PNPLA1: variants seen among roughly 807,000 people sequenced by gnomAD.
The protein encoded by PNPLA1 is patatin like domain 1, omega-hydroxyceramide transacylase, also known as omega-hydroxyceramide transacylase.
In PNPLA1, 36 loss-of-function variants were observed where a neutral mutation model predicts 51.7. The ratio of observed to expected loss-of-function variants is 0.70; its 90% CI spans 0.53 to 0.92. The LOEUF is 0.92. Among genes scored for constraint, PNPLA1 ranks in the 40% least tolerant of loss-of-function variants. The pLI is 0.00. For missense variants in PNPLA1, 658 were observed against 682.5 expected (o/e 0.96, Z 0.40); for synonymous variants, 293 against 280.1 (o/e 1.05, Z -0.46).
At chr6:36,269,445 C>G (rs923464044), upstream of PNPLA1, among the ~76,000 whole-genome samples, 1 of 152,142 alleles carries the variant, frequency 6.6e-6, no homozygotes, top group African/African-American at 2.4e-5. Context: ...GCCCTGACCC[C>G]GACGTCCCCA....
At chr6:36,268,057 C>T (rs900026698), upstream of PNPLA1, among the ~76,000 whole-genome samples, 3 of 152,126 alleles carry the variant, frequency 2.0e-5, no homozygotes, top group Non-Finnish European at 4.4e-5. Context: ...CACCATCATC[C>T]TAGGAGAATG....
chr6:36,261,065 G>A (rs1199069554), intron 1 of PNPLA1, among the ~76,000 whole-genome samples: 1 of 152,210 alleles, frequency 6.6e-6, no homozygotes, highest in African/African-American at 2.4e-5. Flanking sequence ...CTGGGCTCAA[G>A]CAATCCTCCC....
At chr6:36,269,426 C>G (rs965373690), upstream of PNPLA1, among the ~76,000 whole-genome samples, 3 of 152,320 alleles carry the variant, frequency 2.0e-5, no homozygotes, top group South Asian at 6.2e-4. Flanking sequence ...CTTACCAAAA[C>G]GTCTCTCTGC....
intron 1 of PNPLA1, among the ~76,000 whole-genome samples, chr6:36,248,103 G>A (rs146230806): frequency 5.5e-4 from 83 of 152,230 alleles, no homozygotes; most frequent in Middle Eastern, 3.4e-3. Flanking sequence ...TCACTTGCCC[G>A]ATTGTCCACA....
In PNPLA1 at chr6:36,295,220, G is replaced by C. The variant is rs888437046; in HGVS notation, c.715-144G>C. 5.2e-6 allele frequency: 4 copies of C among 765,262 alleles called. No individual in the cohort carries two copies. The African/African-American group carries it at 6.9e-5, about 13-fold the overall frequency. 47.4% of individuals were successfully genotyped at this position (765,262 alleles called of 1,614,324 possible). On this transcript the variant is annotated intron_variant, in intron 4 of 8. Coordinates refer to ENST00000636260, the MANE Select transcript of PNPLA1 (RefSeq NM_001374623.1). ...CTCGGTTCTTCTTAGCAGACAGTGA[G>C]GGATGGGACACTGGATGGGTACGTT...
intron 8 of PNPLA1, among the ~76,000 whole-genome samples, chr6:36,311,009 G>A (rs895215359): frequency 6.6e-6 from 1 of 152,180 alleles, no homozygotes; most frequent in African/African-American, 2.4e-5. Flanking sequence ...TGTAGGACTG[G>A]GGCACCAAGA....
chr6:36,276,758 C>A (rs5022022), intron 1 of PNPLA1, among the ~76,000 whole-genome samples: 1 of 56,394 alleles, frequency 1.8e-5, no homozygotes, highest in African/African-American at 8.2e-5. Context: ...TCGTTCGTTC[C>A]TTCCTTCCTT....
chr6:36,244,718 G>A (rs1288341402), intron 1 of PNPLA1, among the ~76,000 whole-genome samples: 1 of 152,176 alleles, frequency 6.6e-6, no homozygotes, highest in Non-Finnish European at 1.5e-5. Context: ...TAACCATAAC[G>A]ATACTTCTTT....
At chr6:36,278,178 A>T (rs1005494825) in intron 1 of PNPLA1, among the ~76,000 whole-genome samples, 1 of 152,154 alleles carries the variant, frequency 6.6e-6, no homozygotes, top group African/African-American at 2.4e-5. Context: ...TACGGTCTTA[A>T]CTGTTTCAGA....
Position 36,294,376 on chromosome 6 carries a change from G to T in PNPLA1, c.691G>T (p.Ala231Ser), listed in dbSNP as rs74946910. 1.2e-6 allele frequency: 2 copies of T among 1,614,076 alleles called. No homozygotes were observed. Among genetic ancestry groups the T allele is most frequent in the South Asian group, 1.1e-5 (1 of 91,074 alleles). The change falls in exon 4 of 9, where the codon GCA (alanine) becomes TCA (serine). Residue 231 changes from alanine to serine, a missense_variant. Coordinates refer to ENST00000636260, the MANE Select transcript of PNPLA1 (RefSeq NM_001374623.1). This position sits in a 1 kb window ranked among gnomAD's most constrained non-coding sequence, Gnocchi z 4.2. Reference protein sequence around the residue: ...SLENIARMTHALFPPDLVILH... With the variant: ...SLENIARMTHSLFPPDLVILH... ...GGAGAACATCGCCAGGATGACCCAC[G>T]CATTGTTCCCCCCGGACCTGGTGGT...
chr6:36,267,161 C>G (rs1018679417), upstream of PNPLA1, among the ~76,000 whole-genome samples: 27 of 152,216 alleles, frequency 1.8e-4, no homozygotes, highest in Non-Finnish European at 1.5e-4. Context: ...CTGCAAAGAT[C>G]ATGAGATGAC....
intron 5 of PNPLA1, 81 bp downstream of exon 5, chr6:36,295,505 G>T (rs1770833051): frequency 1.5e-5 from 21 of 1,437,604 alleles, no homozygotes; most frequent in Non-Finnish European, 1.9e-5. Context: ...GAATGGAGGG[G>T]TATTCCCCCC....
intron 1 of PNPLA1, among the ~76,000 whole-genome samples, chr6:36,277,723 G>T (rs1382681296): frequency 1.3e-5 from 2 of 152,224 alleles, no homozygotes; most frequent in Non-Finnish European, 2.9e-5. Flanking sequence ...AATTAGCCAG[G>T]TGTGGTGACC....
intron 1 of PNPLA1, among the ~76,000 whole-genome samples, chr6:36,258,352 C>G (rs1033457966): frequency 4.6e-5 from 7 of 152,160 alleles, no homozygotes; most frequent in Non-Finnish European, 8.8e-5. Context: ...AGCTTTACAT[C>G]CTAGTTTTAA....
chr6:36,306,267 C>T, intron 6 of PNPLA1, 25 bp from the exon 7 acceptor site: 1 of 1,580,662 alleles, frequency 6.3e-7, no homozygotes, highest in Non-Finnish European at 8.6e-7. Flanking sequence ...CATCTCACTC[C>T]CGTTTCCTAT....
At chr6:36,245,623 C>T (rs1769257272) in intron 1 of PNPLA1, among the ~76,000 whole-genome samples, 1 of 152,220 alleles carries the variant, frequency 6.6e-6, no homozygotes, top group African/African-American at 2.4e-5. Context: ...TGCCCCTGTG[C>T]CCAGCACACA....
At position 36,312,884 on chromosome 6, in the gene PNPLA1, T is replaced by C. The variant is rs1771437322; in HGVS notation, c.*998T>C. 6.6e-6 allele frequency among the ~76,000 whole-genome samples: 1 copy of C among 152,188 alleles called. No individual in the cohort carries two copies. Among genetic ancestry groups the C allele is most frequent in the African/African-American group, 2.4e-5 (1 of 41,452 alleles). ...TCTTTGAGATGAGCCAGATCATTTCTAGTCTCCCCAGGATCCTGTCCAAGG... is the reference window on the plus strand; with the variant it reads ...TCTTTGAGATGAGCCAGATCATTTCCAGTCTCCCCAGGATCCTGTCCAAGG... On this transcript the variant is annotated 3_prime_UTR_variant, in exon 9 of 9. Coordinates refer to ENST00000636260, the MANE Select transcript of PNPLA1 (RefSeq NM_001374623.1).
upstream of PNPLA1, among the ~76,000 whole-genome samples, chr6:36,265,341 CAA>C (rs71670540): frequency 0.015 from 2,236 of 151,936 alleles, 41 homozygotes; most frequent in African/African-American, 0.049. Flanking sequence ...AACTCTGTCT[CAA>C]AGAGAAAAAA....
At chr6:36,309,969 TAG>T (rs1217032095) in intron 8 of PNPLA1, among the ~76,000 whole-genome samples, 1 of 152,168 alleles carries the variant, frequency 6.6e-6, no homozygotes, top group Non-Finnish European at 1.5e-5. Context: ...TGCAGACAAG[TAG>T]AGAGAGGCTA....
Sources: gnomAD v4.1 joint callset for allele counts (sites outside exome capture counted in the v4.1 genomes callset) on GRCh38, gnomAD v4.1.1 for gene constraint, Gnocchi (gnomAD v3.1) non-coding constraint, MANE v1.5 for transcripts, NCBI Gene and HGNC (gene_info 2026-07-23, HGNC 2026-07-21) for gene names.